The following SRRM2 variants were observed in gnomAD, a reference collection of about 807,000 sequenced individuals.
SRRM2 encodes serine/arginine repetitive matrix protein 2.
A neutral mutation model predicts 213.8 loss-of-function variants in SRRM2; 30 were observed. The observed-to-expected ratio is 0.14, with a 90% CI of 0.10 to 0.19. SRRM2 has a LOEUF of 0.19. SRRM2 is among the 10% of genes least tolerant of loss of function. The pLI is 1.00. For missense variants in SRRM2, 4,904 were observed against 3,647.0 expected, an observed-to-expected ratio of 1.34 and a Z score of -8.88; for synonymous variants, 2,025 against 1,377.7, an observed-to-expected ratio of 1.47 and a Z score of -10.40.
In SRRM2 at chr16:2,763,324, C is replaced by G. The variant is rs762882189; in HGVS notation, c.2796C>G (p.Gly932=). The change falls in exon 11 of 15, where the codon GGC becomes GGG. Residue 932 remains glycine, a synonymous_variant. Coordinates refer to ENST00000301740, the MANE Select transcript of SRRM2 (RefSeq NM_016333.4). The part of the protein sequence containing the change: ...IISPRQRSHS[G]SSSPSPSRVT... ...CACCAAGACAAAGAAGCCATTCTGGCTCCTCTTCTCCAAGTCCTAGTAGGG... is the reference window on the plus strand; with the variant it reads ...CACCAAGACAAAGAAGCCATTCTGGGTCCTCTTCTCCAAGTCCTAGTAGGG... 1 of 1,614,198 alleles carries G rather than the reference C, an allele frequency of 6.2e-7. No individual in the cohort carries two copies. The highest frequency in any genetic ancestry group is 1.1e-5 in the South Asian group (1 of 91,078).
At chr16:2,770,837 G>C in intron 14 of SRRM2, 21 bp from the exon 15 acceptor site, 1 of 1,614,054 alleles carries the variant, frequency 6.2e-7, no homozygotes, top group Non-Finnish European at 8.5e-7. Context: ...ACTCCCTGTT[G>C]ACCCATATCT....
rs775690276 is a variant in SRRM2, at chr16:2,759,361, T to G, written c.699T>G (p.Thr233=). 2 of 1,599,338 alleles carry G rather than the reference T, an allele frequency of 1.3e-6. No individual in the cohort carries two copies. The highest frequency in any genetic ancestry group is 2.7e-5 in the African/African-American group (2 of 73,736). The change falls in exon 8 of 15, where the codon ACT becomes ACG. Residue 233 remains threonine, a synonymous_variant. Coordinates refer to ENST00000301740, the MANE Select transcript of SRRM2 (RefSeq NM_016333.4). ...ESKKRKHRSP[T]PKSKRKSKDK... is the part of the protein sequence containing the mutation. The stretch of plus-strand genomic sequence containing the variant: ...TTTCCTTATTTCCCAGGTCTCCCAC[T>G]CCAAAGAGCAAACGTAAATCTAAGG...
At chr16:2,753,228 C>T (rs2068003996) in intron 1 of SRRM2, among the ~76,000 whole-genome samples, 1 of 152,254 alleles carries the variant, frequency 6.6e-6, no homozygotes, top group South Asian at 2.1e-4. Flanking sequence ...CGGCGGGGGG[C>T]TTGCTCCTGG....
At chr16:2,761,236 C>G (rs1410705999) in intron 10 of SRRM2, among the ~76,000 whole-genome samples, 1 of 152,192 alleles carries the variant, frequency 6.6e-6, no homozygotes, top group Non-Finnish European at 1.5e-5. Context: ...TTGCCATTCG[C>G]TTTAGGAAAC....
rs200895450 is a variant in SRRM2 at position 2,766,368 on chromosome 16, G to T, written c.5840G>T (p.Arg1947Leu). ...ACGCCAACAACACGCCGCCGCTCCC[G>T]TTCTAGAACTCCACCAGTGACTCGC... is the stretch of plus-strand genomic sequence containing the variant. ...SRTPTTRRRS[R>L]SRTPPVTRRR... The change falls in exon 11 of 15, where the codon CGT becomes CTT. Residue 1947 changes from arginine to leucine, a missense_variant. By Grantham distance (102) the Arg-to-Leu change is moderately radical. Transcript: ENST00000301740. This position sits in a 1 kb window ranked among gnomAD's most constrained non-coding sequence, Gnocchi z 7.0. The T allele has an allele frequency of 6.2e-7, 1 of 1,613,998 alleles. No individual in the cohort carries two copies. The highest frequency in any genetic ancestry group is 8.5e-7 in the Non-Finnish European group (1 of 1,180,024).
chr16:2,766,372 T>G lies in SRRM2; in HGVS notation c.5844T>G (p.Ser1948=), dbSNP rs989526505. ...RTPTTRRRSR[S]RTPPVTRRRS... is the part of the protein sequence containing the mutation. ...CAACAACACGCCGCCGCTCCCGTTC[T>G]AGAACTCCACCAGTGACTCGCAGAA... The change falls in exon 11 of 15, where the codon TCT becomes TCG. Residue 1948 remains serine, a synonymous_variant. Coordinates refer to ENST00000301740, the MANE Select transcript of SRRM2 (RefSeq NM_016333.4). This position sits in a 1 kb window ranked among gnomAD's most constrained non-coding sequence, Gnocchi z 7.0. The G allele has an allele frequency of 1.5e-5, 24 of 1,610,840 alleles. No individual in the cohort carries two copies. The highest frequency in any genetic ancestry group is 2.0e-5 in the Non-Finnish European group (24 of 1,179,056).
rs8843 is a variant in SRRM2, at chr16:2,771,250, G to A, written c.*383G>A. 6,533 of 729,720 alleles carry A rather than the reference G, an allele frequency of 9.0e-3. 59 individuals carry two copies. The highest frequency in any genetic ancestry group is 0.028 in the Middle Eastern group (120 of 4,310). 45.2% of individuals were successfully genotyped at this position (729,720 alleles called of 1,614,324 possible). A position where few individuals can be genotyped will look rare whatever the true frequency, so the allele number is the denominator to read the frequency against. Reference sequence around the variant, plus strand: ...CTGGAGGTTGTATAAGGTGTTCTTGGAAGGAAGGGGCAGGAGTTGGAATTA... The same window carrying A: ...CTGGAGGTTGTATAAGGTGTTCTTGAAAGGAAGGGGCAGGAGTTGGAATTA... On this transcript the variant is annotated 3_prime_UTR_variant, in exon 15 of 15. Transcript: ENST00000301740.
At chr16:2,760,261 G>C (rs1347406758) in intron 9 of SRRM2, 40 bp from the exon 10 acceptor site, 1 of 1,592,102 alleles carries the variant, frequency 6.3e-7, no homozygotes, top group South Asian at 1.1e-5. Context: ...CCTTTGAGCT[G>C]ATTTCCTTCC....
intron 11 of SRRM2, 178 bp from the exon 12 acceptor site, chr16:2,768,819 C>T (rs2068633007): frequency 1.6e-6 from 2 of 1,274,744 alleles, no homozygotes; most frequent in South Asian, 1.3e-5. Context: ...CTTCTGTTAG[C>T]AGAGGTTGGG....
rs143108783 is a variant in SRRM2 at position 2,763,557 on chromosome 16, C to G, written c.3029C>G (p.Ser1010Cys). ...CAAACTCCACCGGGGCCAAGTCTTT[C>G]TGGATCAAAGTCACCATGTCCCCAA... Reference protein sequence around the residue: ...KAQTPPGPSLSGSKSPCPQEK... With the variant: ...KAQTPPGPSLCGSKSPCPQEK... The change falls in exon 11 of 15, where the codon TCT becomes TGT. Residue 1010 changes from serine to cysteine, a missense_variant. Transcript: ENST00000301740. 1 of 1,614,176 alleles carries G rather than the reference C, an allele frequency of 6.2e-7. No individual in the cohort carries two copies. Among genetic ancestry groups the G allele is most frequent in the Non-Finnish European group, 8.5e-7 (1 of 1,180,032 alleles).
chr16:2,764,540 C>T lies in SRRM2; in HGVS notation c.4012C>T (p.Pro1338Ser), dbSNP rs2068473178. ...ACCTTTAGAATTTAGAAACTCAGGC[C>T]CACTTGGTACAGAAATGAATACTGG... is the stretch of plus-strand genomic sequence containing the variant. ...GSPLEFRNSG[P>S]LGTEMNTGFS... The change falls in exon 11 of 15, where the codon CCA becomes TCA. Residue 1338 changes from proline to serine, a missense_variant. Transcript: ENST00000301740. 1.9e-6 allele frequency: 3 copies of T among 1,613,996 alleles called. No homozygotes were observed. Among genetic ancestry groups the T allele is most frequent in the Non-Finnish European group, 2.5e-6 (3 of 1,180,038 alleles).
In SRRM2 at chr16:2,761,823, G is replaced by A. The variant is rs576127645; in HGVS notation, c.1295G>A (p.Arg432Gln). Residue 432 changes from arginine (R) to glutamine (Q), a missense_variant, in exon 11 of 15, where the codon CGG (arginine) becomes CAG (glutamine). By Grantham distance (43) the Arg-to-Gln change is conservative. Transcript: ENST00000301740. Reference sequence around the variant, plus strand: ...TCCCCTCAACCTACCAAAGTTTCTCGGCATGCCAGCTCTTCCCCAGAAAGT... The same window carrying A: ...TCCCCTCAACCTACCAAAGTTTCTCAGCATGCCAGCTCTTCCCCAGAAAGT... ...PPSPQPTKVS[R>Q]HASSSPESPK... 1.6e-5 allele frequency: 26 copies of A among 1,613,628 alleles called. No homozygotes were observed. The highest frequency in any genetic ancestry group is 4.4e-5 in the South Asian group (4 of 91,034).
chr16:2,758,781 T>C (rs1262730839), intron 5 of SRRM2: 2 of 699,288 alleles, frequency 2.9e-6, no homozygotes, highest in Admixed American at 2.9e-5. Context: ...TCTGGAATTT[T>C]CTTTTTCATT....
At chr16:2,768,636 G>A in intron 11 of SRRM2, 1 of 636,932 alleles carries the variant, frequency 1.6e-6, no homozygotes, top group South Asian at 1.5e-5. Context: ...AGGCAGGACG[G>A]CCCCTTCCCC....
At position 2,770,851 on chromosome 16, in the gene SRRM2, C is replaced by T. The variant is rs1203441276; in HGVS notation, c.8250-7C>T. On this transcript the variant is annotated splice_polypyrimidine_tract_variant and splice_region_variant and intron_variant, in intron 14 of 14. Transcript: ENST00000301740. ...AACTCCCTGTTGACCCATATCTTCT[C>T]TTGCAGGTCTCCATAAATTGTCTTT... 6 of 1,614,092 alleles carry T rather than the reference C, an allele frequency of 3.7e-6. No individual in the cohort carries two copies. Among genetic ancestry groups the T allele is most frequent in the Non-Finnish European group, 4.2e-6 (5 of 1,180,018 alleles).
At chr16:2,759,852 T>C in intron 9 of SRRM2, 191 bp downstream of exon 9, 1 of 582,690 alleles carries the variant, frequency 1.7e-6, no homozygotes, top group Non-Finnish European at 3.0e-6. Flanking sequence ...CTTTTTTTTT[T>C]TGTTTTTGTT....
In SRRM2 at chr16:2,762,269, C is replaced by T. The variant is rs770659703; in HGVS notation, c.1741C>T (p.Arg581Trp). 6.7e-5 allele frequency: 108 copies of T among 1,604,482 alleles called. No homozygotes were observed. Among genetic ancestry groups the T allele is most frequent in the Middle Eastern group, 6.6e-4 (4 of 6,032 alleles). Reference sequence around the variant, plus strand: ...ATCTCGTTCTAGAACACCAGCCCGCCGGGGCAGGTCCCGCTCTAGAACACC... The same window carrying T: ...ATCTCGTTCTAGAACACCAGCCCGCTGGGGCAGGTCCCGCTCTAGAACACC... ...GRSRSRTPAR[R>W]GRSRSRTPAR... Residue 581 changes from arginine (R) to tryptophan (W), a missense_variant, in exon 11 of 15, where the codon CGG becomes TGG. Transcript: ENST00000301740.
intron 12 of SRRM2, chr16:2,769,847 T>G: frequency 2.2e-6 from 1 of 464,472 alleles, no homozygotes; most frequent in Non-Finnish European, 4.3e-6. Context: ...CCCCCACACA[T>G]GCCCTGTGCT....
Position 2,764,777 on chromosome 16 carries a change from GAAA to G in SRRM2, c.4250_4252del (p.Glu1417_Arg1418delinsGly), listed in dbSNP as rs778277321. The G allele has an allele frequency of 1.2e-6, 2 of 1,614,186 alleles. No individual in the cohort carries two copies. Among genetic ancestry groups the G allele is most frequent in the Non-Finnish European group, 1.7e-6 (2 of 1,180,030 alleles). On this transcript the variant is annotated inframe_deletion, in exon 11 of 15. Transcript: ENST00000301740. ...TGCTGTACCCAGAACACCCTCGAGA[GAAA>G]GAAGTAGTTCTGCATCTTCTCCTGA...
Sources: allele counts gnomAD v4.1 joint callset (sites outside exome capture counted in the v4.1 genomes callset), GRCh38; gene constraint gnomAD v4.1.1; non-coding constraint Gnocchi (gnomAD v3.1); transcripts MANE v1.5; gene names NCBI Gene and HGNC (gene_info 2026-07-23, HGNC 2026-07-21).